TENM2: variants seen among roughly 807,000 people sequenced by gnomAD.
The protein encoded by TENM2 is teneurin-2.
TENM2 carries 52 observed loss-of-function variants against 245.2 expected under a neutral mutation model. The ratio of observed to expected loss-of-function variants is 0.21; its 90% CI spans 0.17 to 0.27. The LOEUF (loss-of-function observed/expected upper bound fraction) is 0.27. Ranked by LOEUF, TENM2 falls within the 10% of genes least tolerant of loss-of-function variation. The probability of loss-of-function intolerance (pLI) is 1.00; values close to 1 mark genes in which losing one functional copy is unlikely to be tolerated. For synonymous variants in TENM2, 1,363 were observed against 1,438.9 expected (o/e 0.95, Z 1.19); for missense variants, 3,046 against 3,666.8 (o/e 0.83, Z 4.37).
chr5:167,242,304 C>A, the TENM2 span, among the ~76,000 whole-genome samples: 11 of 152,136 alleles, frequency 7.2e-5, no homozygotes, highest in Admixed American at 7.2e-4. Context: ...TCTGCCTCGG[C>A]CTCCCAAAAT....
At chr5:167,472,125 T>C (rs1427449601) in intron 2 of TENM2, among the ~76,000 whole-genome samples, 1 of 152,126 alleles carries the variant, frequency 6.6e-6, no homozygotes, top group Non-Finnish European at 1.5e-5. Context: ...AACAGACACT[T>C]CCTGCAATTT....
intron 2 of TENM2, among the ~76,000 whole-genome samples, chr5:167,695,406 T>C (rs1180772115): frequency 1.3e-5 from 2 of 152,192 alleles, no homozygotes; most frequent in Admixed American, 6.5e-5. Flanking sequence ...AATGTTATTC[T>C]TCTTTTGATA....
intron 1 of TENM2, among the ~76,000 whole-genome samples, chr5:167,348,373 C>A (rs897166131): frequency 1.3e-5 from 2 of 152,120 alleles, no homozygotes; most frequent in African/African-American, 4.8e-5. Flanking sequence ...AGTCAAAGGG[C>A]TAATAGACCG....
At chr5:167,418,505 T>G (rs542018246) in intron 2 of TENM2, among the ~76,000 whole-genome samples, 1 of 152,246 alleles carries the variant, frequency 6.6e-6, no homozygotes, top group Non-Finnish European at 1.5e-5. Flanking sequence ...TGCAGGAAAA[T>G]TAGATTGTCT....
the TENM2 span, among the ~76,000 whole-genome samples, chr5:167,030,131 C>T: frequency 1.3e-5 from 2 of 152,156 alleles, no homozygotes; most frequent in Non-Finnish European, 2.9e-5. Context: ...TCACTGCAAA[C>T]CAATTCCTTT....
the TENM2 span, among the ~76,000 whole-genome samples, chr5:167,116,845 C>T: frequency 1.1e-4 from 16 of 152,182 alleles, no homozygotes; most frequent in Middle Eastern, 3.2e-3. Context: ...AATTTCACAA[C>T]ATGTGTCTGG....
intron 7 of TENM2, among the ~76,000 whole-genome samples, chr5:168,068,637 A>G (rs1790711230): frequency 6.6e-6 from 1 of 152,142 alleles, no homozygotes; most frequent in Non-Finnish European, 1.5e-5. Context: ...ACAGTCAAGA[A>G]GAATAGGACT....
At chr5:168,109,608 G>A (rs938622470) in intron 9 of TENM2, among the ~76,000 whole-genome samples, 3 of 152,192 alleles carry the variant, frequency 2.0e-5, no homozygotes, top group African/African-American at 7.2e-5. Context: ...TAGGTCTGGG[G>A]TACTAGCATC....
chr5:167,689,188 C>CA (rs1156402651), intron 2 of TENM2, among the ~76,000 whole-genome samples: 3 of 152,050 alleles, frequency 2.0e-5, no homozygotes, highest in African/African-American at 7.2e-5. Context: ...CTTCAGATGG[C>CA]AATGTGAGTC....
intron 1 of TENM2, among the ~76,000 whole-genome samples, chr5:167,359,932 T>A (rs2127261599): frequency 6.6e-6 from 1 of 152,210 alleles, no homozygotes; most frequent in Admixed American, 6.5e-5. Context: ...AAAAGCCAAA[T>A]ACCGCATTTT....
the TENM2 span, among the ~76,000 whole-genome samples, chr5:167,029,280 A>G: frequency 6.6e-6 from 1 of 152,188 alleles, no homozygotes; most frequent in Non-Finnish European, 1.5e-5. Flanking sequence ...ATCTAATAGT[A>G]CAGATCCTTG....
intron 1 of TENM2, among the ~76,000 whole-genome samples, chr5:167,325,786 A>G (rs866479502): frequency 1.9e-4 from 29 of 152,346 alleles, no homozygotes; most frequent in Admixed American, 1.2e-3. Context: ...TTGTTCTGGC[A>G]TAGAAGATGG....
the TENM2 span, among the ~76,000 whole-genome samples, chr5:167,204,933 T>C: frequency 1.1e-4 from 16 of 152,336 alleles, 1 homozygote; most frequent in South Asian, 2.7e-3. Context: ...TTGCCACTAA[T>C]TACTTGTTGG....
At chr5:167,951,386 C>A (rs1780088970) in intron 3 of TENM2, among the ~76,000 whole-genome samples, 1 of 152,178 alleles carries the variant, frequency 6.6e-6, no homozygotes, top group Non-Finnish European at 1.5e-5. Flanking sequence ...TCTCAAAGGA[C>A]ACAAATTAAA....
chr5:167,987,490 G>T (rs1783336249), intron 4 of TENM2, among the ~76,000 whole-genome samples: 1 of 151,906 alleles, frequency 6.6e-6, no homozygotes, highest in Non-Finnish European at 1.5e-5. Context: ...ACCACACCTG[G>T]CTACTTTTTT....
chr5:167,751,592 C>T (rs1474739716), intron 2 of TENM2, among the ~76,000 whole-genome samples: 1 of 152,136 alleles, frequency 6.6e-6, no homozygotes, highest in Non-Finnish European at 1.5e-5. Context: ...TCTTAGATGA[C>T]AAACAGGATC....
At position 168,244,365 on chromosome 5, in the gene TENM2, T is replaced by G; in HGVS notation, c.5521-55T>G. Reference sequence around the variant, plus strand: ...GCCAGCCATGTCCTCCACAGAAGCCTGAGCCGGCATGCCTGGGTGATGTCT... The same window carrying G: ...GCCAGCCATGTCCTCCACAGAAGCCGGAGCCGGCATGCCTGGGTGATGTCT... On this transcript the variant is annotated intron_variant, in intron 25 of 28. Transcript: ENST00000518659. This position sits in a 1 kb window ranked among gnomAD's most constrained non-coding sequence, Gnocchi z 4.9. 7.2e-7 allele frequency: 1 copy of G among 1,396,404 alleles called. No homozygotes were observed. Among genetic ancestry groups the G allele is most frequent in the South Asian group, 1.7e-5 (1 of 60,210 alleles). The allele number at this position is 1,396,404 out of a possible 1,614,324, so 86.5% of individuals were successfully genotyped here. A position where few individuals can be genotyped will look rare whatever the true frequency, so the allele number is the denominator to read the frequency against.
At chr5:167,074,480 T>C in the TENM2 span, among the ~76,000 whole-genome samples, 1 of 152,176 alleles carries the variant, frequency 6.6e-6, no homozygotes, top group Non-Finnish European at 1.5e-5. Context: ...CTTTAGAAAG[T>C]ACAGAAGGTG....
intron 5 of TENM2, among the ~76,000 whole-genome samples, chr5:168,036,685 A>G (rs1293582612): frequency 1.3e-4 from 15 of 118,474 alleles, no homozygotes; most frequent in African/African-American, 5.9e-4. Context: ...GTGTATATAT[A>G]TATATATATA....
Sources: gnomAD v4.1 joint callset for allele counts (sites outside exome capture counted in the v4.1 genomes callset) on GRCh38, gnomAD v4.1.1 for gene constraint, Gnocchi (gnomAD v3.1) non-coding constraint, MANE v1.5 for transcripts, NCBI Gene and HGNC (gene_info 2026-07-23, HGNC 2026-07-21) for gene names.